The following RNF13 variants were observed in gnomAD, a reference collection of about 807,000 sequenced individuals.
RNF13 encodes ring finger protein 13, also known as E3 ubiquitin-protein ligase RNF13.
Under a neutral mutation model 37.7 loss-of-function variants are expected in RNF13, and 19 were observed. The ratio of observed to expected loss-of-function variants is 0.50; its 90% CI spans 0.35 to 0.74. The LOEUF (loss-of-function observed/expected upper bound fraction) is 0.74, where lower values mean the gene tolerates loss of function less well. Among genes scored for constraint, RNF13 ranks in the 30% least tolerant of loss-of-function variants. The pLI, the probability that RNF13 is intolerant of heterozygous loss-of-function variation, is 0.01. For synonymous variants in RNF13, 144 were observed against 157.8 expected (o/e 0.91, Z 0.65); for missense variants, 375 against 453.0 (o/e 0.83, Z 1.56).
chr3:149,939,796 A>G, intron 8 of RNF13: 2 of 550,078 alleles, frequency 3.6e-6, no homozygotes, highest in Non-Finnish European at 7.1e-6. Flanking sequence ...CAAATCTTCC[A>G]TGGGGTGGTG....
chr3:149,840,402 T>A (rs1319403987), intron 1 of RNF13, among the ~76,000 whole-genome samples: 1 of 152,168 alleles, frequency 6.6e-6, no homozygotes, highest in Non-Finnish European at 1.5e-5. Context: ...CAGAGTTATA[T>A]TCTGTCTTTG....
chr3:149,938,891 G>C (rs1353368682), intron 8 of RNF13: 1 of 348,346 alleles, frequency 2.9e-6, no homozygotes, highest in Non-Finnish European at 5.4e-6. Context: ...ACACAGTAGG[G>C]AAAGTTCTCA....
At chr3:149,889,706 G>A (rs929645870) in intron 4 of RNF13, among the ~76,000 whole-genome samples, 11 of 148,702 alleles carry the variant, frequency 7.4e-5, no homozygotes, top group African/African-American at 2.7e-4. Flanking sequence ...CCAGGCTGGA[G>A]TGTAGTGGTG....
intron 3 of RNF13, among the ~76,000 whole-genome samples, chr3:149,869,380 C>T (rs1290367427): frequency 3.3e-5 from 5 of 151,474 alleles, no homozygotes; most frequent in East Asian, 1.9e-4. Context: ...CTGAGGCGGG[C>T]GGATCACAAG....
chr3:149,917,933 C>A (rs1484429923), intron 7 of RNF13, among the ~76,000 whole-genome samples: 23 of 152,142 alleles, frequency 1.5e-4, no homozygotes, highest in African/African-American at 5.3e-4. Context: ...TTTTAAGTAT[C>A]TTCACAGAAT....
intron 4 of RNF13, among the ~76,000 whole-genome samples, chr3:149,880,194 A>G (rs776113988): frequency 9.2e-5 from 14 of 152,198 alleles, no homozygotes; most frequent in Admixed American, 3.9e-4. Context: ...TTAAGTACAG[A>G]AAGTTATCCT....
At chr3:149,946,687 TCA>T (rs1383359923) in intron 8 of RNF13, among the ~76,000 whole-genome samples, 1 of 152,226 alleles carries the variant, frequency 6.6e-6, no homozygotes, top group Non-Finnish European at 1.5e-5. Flanking sequence ...TTTAGCTATT[TCA>T]GTCTTCTCTC....
At chr3:149,873,550 C>G (rs1213709502) in intron 4 of RNF13, among the ~76,000 whole-genome samples, 1 of 152,090 alleles carries the variant, frequency 6.6e-6, no homozygotes, top group Non-Finnish European at 1.5e-5. Context: ...ATGTTGCAGC[C>G]ATACTGCCTA....
chr3:149,876,925 C>T (rs540146597), intron 4 of RNF13, among the ~76,000 whole-genome samples: 2 of 151,824 alleles, frequency 1.3e-5, no homozygotes, highest in East Asian at 1.9e-4. Flanking sequence ...ATTACAGGTG[C>T]GTGCCACCAC....
At chr3:149,833,118 C>CTCTTTTTT (rs1306537184) in intron 1 of RNF13, among the ~76,000 whole-genome samples, 7 of 111,902 alleles carry the variant, frequency 6.3e-5, no homozygotes, top group Non-Finnish European at 1.0e-4. Flanking sequence ...CTCTCTCTCT[C>CTCTTTTTT]TTTTTTTTTT....
intron 4 of RNF13, among the ~76,000 whole-genome samples, chr3:149,879,334 G>T (rs1467667097): frequency 1.3e-5 from 2 of 148,864 alleles, no homozygotes; most frequent in South Asian, 4.2e-4. Context: ...TTGAGACAGG[G>T]TCTTATACTG....
chr3:149,867,862 A>G (rs1359568368), intron 3 of RNF13, among the ~76,000 whole-genome samples: 1 of 151,364 alleles, frequency 6.6e-6, no homozygotes, highest in East Asian at 1.9e-4. Flanking sequence ...TTCCTTTCTT[A>G]CTGTCTTCCT....
intron 8 of RNF13, among the ~76,000 whole-genome samples, chr3:149,954,685 C>G (rs1343083153): frequency 2.0e-5 from 3 of 152,110 alleles, no homozygotes; most frequent in African/African-American, 7.2e-5. Context: ...TTCATCTTCA[C>G]TTTTGAAGTT....
At chr3:149,959,121 T>C (rs1041745828) in intron 8 of RNF13, among the ~76,000 whole-genome samples, 3 of 152,238 alleles carry the variant, frequency 2.0e-5, no homozygotes, top group Admixed American at 6.5e-5. Flanking sequence ...CTAAAAGTTT[T>C]ATAAGTTTTT....
intron 4 of RNF13, among the ~76,000 whole-genome samples, chr3:149,890,299 C>A (rs1291419153): frequency 6.6e-6 from 1 of 152,176 alleles, no homozygotes; most frequent in Non-Finnish European, 1.5e-5. Flanking sequence ...CATGTCAACC[C>A]CTTATTCAAG....
chr3:149,848,643 C>G (rs1722860197), intron 2 of RNF13, among the ~76,000 whole-genome samples: 1 of 152,106 alleles, frequency 6.6e-6, no homozygotes, highest in African/African-American at 2.4e-5. Flanking sequence ...TGGGGTGCTG[C>G]TTTTGAAAAA....
At chr3:149,891,154 G>C (rs1239408752) in intron 4 of RNF13, among the ~76,000 whole-genome samples, 2 of 152,114 alleles carry the variant, frequency 1.3e-5, no homozygotes, top group Non-Finnish European at 2.9e-5. Context: ...TTAAATCTCA[G>C]CTCTGCCTAA....
At chr3:149,817,158 C>T (rs1232400404) in intron 1 of RNF13, 1 of 152,144 alleles carries the variant, frequency 6.6e-6, no homozygotes, top group Non-Finnish European at 1.5e-5. Flanking sequence ...CAAATGCTTA[C>T]ATTGTAAGGA....
chr3:149,873,614 A>G (rs1373966986), intron 4 of RNF13, among the ~76,000 whole-genome samples: 5 of 152,114 alleles, frequency 3.3e-5, no homozygotes, highest in African/African-American at 9.7e-5. Flanking sequence ...GTGCCTTTAC[A>G]TGTACTATTT....
Sources: gnomAD v4.1 joint callset for allele counts (sites outside exome capture counted in the v4.1 genomes callset) on GRCh38, gnomAD v4.1.1 for gene constraint, MANE v1.5 for transcripts, NCBI Gene and HGNC (gene_info 2026-07-23, HGNC 2026-07-21) for gene names.